CORO1C: variants seen among roughly 807,000 people sequenced by gnomAD.
CORO1C encodes coronin 1C, also known as coronin-1C.
In CORO1C, 14 loss-of-function variants were observed where a neutral mutation model predicts 51.2. The ratio of observed to expected loss-of-function variants is 0.27; its 90% CI spans 0.18 to 0.43. CORO1C has a LOEUF of 0.43. Ranked by LOEUF, CORO1C falls within the 20% of genes least tolerant of loss-of-function variation. The pLI, the probability that CORO1C is intolerant of heterozygous loss-of-function variation, is 1.00. For missense variants in CORO1C, 417 were observed against 607.8 expected (o/e 0.69, Z 3.30); for synonymous variants, 181 against 210.5 (o/e 0.86, Z 1.21).
intron 1 of CORO1C, among the ~76,000 whole-genome samples, chr12:108,711,762 G>T (rs2035187545): frequency 6.6e-6 from 1 of 151,506 alleles, no homozygotes; most frequent in Non-Finnish European, 1.5e-5. Context: ...ACAAGACAGG[G>T]TATTTATATT....
rs1249743745 is a variant in CORO1C, at chr12:108,649,928, C to A, written c.1002-908G>T. 3.3e-5 allele frequency among the ~76,000 whole-genome samples: 5 copies of A among 152,294 alleles called. No homozygotes were observed. In the East Asian group the frequency reaches 9.6e-4, roughly 29 times the overall value. On this transcript the variant is annotated intron_variant, in intron 8 of 10. Coordinates refer to ENST00000261401, the MANE Select transcript of CORO1C (RefSeq NM_014325.4). ...CCAAGAGTTTAAGTCAGAGAAGACA[C>A]AGCCACATCAAATATGCAAAACCAT...
rs568533812 is a variant in CORO1C at position 108,647,208 on chromosome 12, GTTTT to G, written c.*191_*194del. On this transcript the variant is annotated 3_prime_UTR_variant, in exon 11 of 11. Coordinates refer to ENST00000261401, the MANE Select transcript of CORO1C (RefSeq NM_014325.4). ...ATAAAAAGCTCAGCTTTTAAATCACGTTTTGTTTCTGCAAATTTGGGAGACAAAT... is the reference window on the plus strand; with the variant it reads ...ATAAAAAGCTCAGCTTTTAAATCACGGTTTCTGCAAATTTGGGAGACAAAT... The G allele has an allele frequency of 1.3e-4, 60 of 462,296 alleles. 1 individual carries two copies. In the South Asian group the frequency reaches 1.7e-3, roughly 13 times the overall value. 28.6% of individuals were successfully genotyped at this position (462,296 alleles called of 1,614,324 possible).
At position 108,647,287 on chromosome 12, in the gene CORO1C, G is replaced by T; in HGVS notation, c.*116C>A. The stretch of plus-strand genomic sequence containing the variant: ...ATCGCTGGTTGACAAATCTGAAATG[G>T]AATGTCTCCAAATGGCAGTGCCTCC... On this transcript the variant is annotated 3_prime_UTR_variant, in exon 11 of 11. Transcript: ENST00000261401. The T allele has an allele frequency of 2.2e-6, 2 of 909,070 alleles. No individual in the cohort carries two copies. Among genetic ancestry groups the T allele is most frequent in the Non-Finnish European group, 3.2e-6 (2 of 620,468 alleles). The allele number at this position is 909,070 out of a possible 1,614,324, so 56.3% of individuals were successfully genotyped here.
At chr12:108,708,215 T>C (rs561214192) in intron 1 of CORO1C, among the ~76,000 whole-genome samples, 2 of 152,236 alleles carry the variant, frequency 1.3e-5, no homozygotes, top group South Asian at 2.1e-4. Flanking sequence ...AGCCAAAGGG[T>C]AGAAGCAACC....
chr12:108,704,338 G>A (rs953151913), intron 1 of CORO1C, among the ~76,000 whole-genome samples: 2 of 152,006 alleles, frequency 1.3e-5, no homozygotes, highest in East Asian at 1.9e-4. Flanking sequence ...CGGGTGTGGC[G>A]GCAGGCATCT....
At chr12:108,673,967 A>T (rs2033810878) in intron 3 of CORO1C, among the ~76,000 whole-genome samples, 1 of 152,136 alleles carries the variant, frequency 6.6e-6, no homozygotes, top group Admixed American at 6.5e-5. Flanking sequence ...GAATGACAGC[A>T]CATCTGTTTA....
intron 3 of CORO1C, among the ~76,000 whole-genome samples, chr12:108,672,289 GTAACAGCTATGTGGTCTTGAAAATA>G (rs2136825427): frequency 6.6e-6 from 1 of 152,322 alleles, no homozygotes; most frequent in South Asian, 2.1e-4. Context: ...ACTGCTGAAT[GTAACAGCTATGTGGTCTTGAAAATA>G]CAGAATACAT....
intron 2 of CORO1C, among the ~76,000 whole-genome samples, chr12:108,681,253 A>C (rs769156833): frequency 3.9e-5 from 6 of 152,254 alleles, no homozygotes; most frequent in Non-Finnish European, 7.3e-5. Flanking sequence ...ACAAACCAAA[A>C]GGAGAGAATT....
intron 1 of CORO1C, among the ~76,000 whole-genome samples, chr12:108,729,923 A>T (rs1339175368): frequency 6.6e-6 from 1 of 152,218 alleles, no homozygotes; most frequent in Non-Finnish European, 1.5e-5. Flanking sequence ...CTGCCAGATA[A>T]GGACAATGAG....
At chr12:108,654,864 C>T (rs1337708763) in intron 6 of CORO1C, among the ~76,000 whole-genome samples, 1 of 151,706 alleles carries the variant, frequency 6.6e-6, no homozygotes, top group Non-Finnish European at 1.5e-5. Flanking sequence ...TGCCACCACC[C>T]GTGGCTAATT....
intron 8 of CORO1C, among the ~76,000 whole-genome samples, chr12:108,650,924 C>T (rs1363038500): frequency 6.6e-6 from 1 of 151,404 alleles, no homozygotes; most frequent in Non-Finnish European, 1.5e-5. Context: ...ATTATTCCAA[C>T]TAAAAAAAAA....
intron 2 of CORO1C, among the ~76,000 whole-genome samples, chr12:108,686,038 A>G (rs1363432551): frequency 6.6e-6 from 1 of 152,246 alleles, no homozygotes; most frequent in Non-Finnish European, 1.5e-5. Context: ...CTGGGCACTT[A>G]CAAACTGCTG....
chr12:108,703,896 C>T (rs1365420816), intron 1 of CORO1C, among the ~76,000 whole-genome samples: 3 of 152,206 alleles, frequency 2.0e-5, no homozygotes, highest in Admixed American at 1.3e-4. Context: ...CCTTACCCCA[C>T]AAGAGATCAG....
chr12:108,687,583 G>A (rs548346736), intron 2 of CORO1C, among the ~76,000 whole-genome samples: 46 of 152,038 alleles, frequency 3.0e-4, no homozygotes, highest in Middle Eastern at 6.8e-3. Context: ...TCAGGAGTTC[G>A]AGACCAGCCT....
intron 6 of CORO1C, among the ~76,000 whole-genome samples, 200 bp downstream of exon 6, chr12:108,657,104 G>A (rs2033059854): frequency 1.3e-5 from 2 of 152,214 alleles, no homozygotes; most frequent in South Asian, 2.1e-4. Context: ...AGCCTCTTCA[G>A]GAGTATCAAA....
intron 2 of CORO1C, among the ~76,000 whole-genome samples, chr12:108,694,159 G>A (rs143564799): frequency 2.0e-5 from 3 of 151,944 alleles, no homozygotes; most frequent in East Asian, 1.9e-4. Flanking sequence ...GTACACACCC[G>A]TAGTCCCAGC....
At chr12:108,700,332 T>C (rs984219748) in intron 2 of CORO1C, among the ~76,000 whole-genome samples, 26 of 152,338 alleles carry the variant, frequency 1.7e-4, no homozygotes, top group Middle Eastern at 3.4e-3. Flanking sequence ...CAGCTTTTTT[T>C]TCTTCATTAT....
intron 1 of CORO1C, among the ~76,000 whole-genome samples, chr12:108,704,946 G>C (rs958004192): frequency 3.9e-5 from 6 of 152,188 alleles, no homozygotes; most frequent in Non-Finnish European, 8.8e-5. Flanking sequence ...AAGTTGAAGT[G>C]ATCATTAAAT....
rs1201238321 is a variant in CORO1C, at chr12:108,658,641, G to A, written c.630+97C>T. The A allele has an allele frequency of 8.4e-7, 1 of 1,192,232 alleles. No individual in the cohort carries two copies. Among genetic ancestry groups the A allele is most frequent in the Middle Eastern group, 2.7e-4 (1 of 3,706 alleles). The allele number at this position is 1,192,232 out of a possible 1,614,324, so 73.9% of individuals were successfully genotyped here. A position where few individuals can be genotyped will look rare whatever the true frequency, so the allele number is the denominator to read the frequency against. On this transcript the variant is annotated intron_variant, in intron 5 of 10. Transcript: ENST00000261401. The surrounding 1 kb of genome is among the most constrained non-coding windows in gnomAD (Gnocchi z 4.9). The stretch of plus-strand genomic sequence containing the variant: ...ACAGTTGGTGTCTACACACAACAGG[G>A]TCCCACTGACCAGTACCGCTGCCTG...
Sources: allele counts gnomAD v4.1 joint callset (sites outside exome capture counted in the v4.1 genomes callset), GRCh38; gene constraint gnomAD v4.1.1; non-coding constraint Gnocchi (gnomAD v3.1); transcripts MANE v1.5; gene names NCBI Gene and HGNC (gene_info 2026-07-23, HGNC 2026-07-21).